The following ARMC2 variants were observed in gnomAD, a reference collection of about 807,000 sequenced individuals.
ARMC2 encodes armadillo repeat-containing protein 2.
ARMC2 carries 67 observed loss-of-function variants against 90.3 expected under a neutral mutation model. That is an observed-to-expected ratio of 0.74 (90% confidence interval 0.61 to 0.91). The LOEUF is 0.91. ARMC2 is among the 40% of genes least tolerant of loss of function. The probability of loss-of-function intolerance (pLI) is 0.00; values close to 1 mark genes in which losing one functional copy is unlikely to be tolerated. For missense variants in ARMC2, 920 were observed against 1,030.9 expected, an observed-to-expected ratio of 0.89 and a Z score of 1.47; for synonymous variants, 393 against 393.0, an observed-to-expected ratio of 1.00 and a Z score of 0.00.
chr6:108,941,747 G>C (rs1263668582), intron 12 of ARMC2, among the ~76,000 whole-genome samples: 2 of 152,098 alleles, frequency 1.3e-5, no homozygotes, highest in African/African-American at 2.4e-5. Context: ...CGTGGTATCG[G>C]CCCCCTCATT....
the ARMC2 span, among the ~76,000 whole-genome samples, chr6:108,979,905 G>C: frequency 2.0e-5 from 3 of 151,444 alleles, no homozygotes; most frequent in African/African-American, 7.3e-5. Context: ...CTTTTTTCAG[G>C]GTTCTTAGCT....
chr6:109,051,453 T>C, the ARMC2 span, among the ~76,000 whole-genome samples: 1 of 152,220 alleles, frequency 6.6e-6, no homozygotes, highest in Non-Finnish European at 1.5e-5. Flanking sequence ...ATGGACTCTT[T>C]GAAGGAGAAA....
At chr6:108,878,879 CTCCA>C (rs934718118) in intron 5 of ARMC2, among the ~76,000 whole-genome samples, 3 of 152,230 alleles carry the variant, frequency 2.0e-5, no homozygotes, top group Admixed American at 2.0e-4. Context: ...TGTGTGTATT[CTCCA>C]TCCATCCATC....
chr6:108,930,979 C>T (rs772273986), intron 11 of ARMC2, among the ~76,000 whole-genome samples: 4 of 149,824 alleles, frequency 2.7e-5, no homozygotes, highest in African/African-American at 9.9e-5. Context: ...ACTCATGTCA[C>T]GGGAGTTTGT....
intron 4 of ARMC2, among the ~76,000 whole-genome samples, chr6:108,874,327 C>G (rs531625104): frequency 6.6e-6 from 1 of 152,200 alleles, no homozygotes; most frequent in Admixed American, 6.5e-5. Context: ...ACTTGTTCAC[C>G]ATGGCTTCAC....
At chr6:108,977,326 C>G (rs111748452), downstream of ARMC2, among the ~76,000 whole-genome samples, 5 of 152,298 alleles carry the variant, frequency 3.3e-5, no homozygotes, top group African/African-American at 1.2e-4. Context: ...GTTGAACCAG[C>G]CTTGCATCCC....
chr6:108,929,949 G>GC (rs1356458683), intron 11 of ARMC2, among the ~76,000 whole-genome samples: 1 of 151,688 alleles, frequency 6.6e-6, no homozygotes, highest in Non-Finnish European at 1.5e-5. Flanking sequence ...CTCTAGCGCT[G>GC]CCCCCCACCC....
chr6:109,002,319 G>A, the ARMC2 span: 4 of 1,613,350 alleles, frequency 2.5e-6, no homozygotes, highest in Non-Finnish European at 2.5e-6. Context: ...TGTCCTAGTG[G>A]TCGAGGAATT....
the ARMC2 span, among the ~76,000 whole-genome samples, chr6:109,003,381 G>C: frequency 6.6e-6 from 1 of 151,610 alleles, no homozygotes; most frequent in Non-Finnish European, 1.5e-5. Flanking sequence ...ATGGGGTGGG[G>C]GTGGGTGCAC....
At chr6:109,023,062 A>C in the ARMC2 span, among the ~76,000 whole-genome samples, 3 of 152,122 alleles carry the variant, frequency 2.0e-5, no homozygotes, top group Non-Finnish European at 4.4e-5. Flanking sequence ...TGACCACCCA[A>C]ATCAGTAGAA....
In ARMC2 at chr6:108,894,453, T is replaced by C. The variant is rs1771393154; in HGVS notation, c.672-14T>C. The C allele has an allele frequency of 1.2e-6, 2 of 1,605,058 alleles. No individual in the cohort carries two copies. The highest frequency in any genetic ancestry group is 1.7e-6 in the Non-Finnish European group (2 of 1,176,550). ...TTTCATGTTTGCGCTGAGTGTTTTA[T>C]GTATTCCTCCTAGGGACCAGGGGAA... On this transcript the variant is annotated splice_polypyrimidine_tract_variant and intron_variant, in intron 5 of 17. Coordinates refer to ENST00000392644, the MANE Select transcript of ARMC2 (RefSeq NM_032131.6).
intron 3 of ARMC2, among the ~76,000 whole-genome samples, chr6:108,866,168 G>T (rs1348617767): frequency 6.6e-6 from 1 of 152,102 alleles, no homozygotes; most frequent in East Asian, 1.9e-4. Context: ...GACATTTTGA[G>T]TTAAGAAAAC....
chr6:108,880,087 G>A, intron 5 of ARMC2: 1 of 371,508 alleles, frequency 2.7e-6, no homozygotes, highest in South Asian at 2.0e-5. Flanking sequence ...AGCAAAGAAT[G>A]AAAAACAGAG....
At chr6:108,878,773 T>C (rs1190338495) in intron 5 of ARMC2, among the ~76,000 whole-genome samples, 1 of 152,198 alleles carries the variant, frequency 6.6e-6, no homozygotes, top group Non-Finnish European at 1.5e-5. Context: ...AGGGATTCAT[T>C]TAAGGTCTGG....
the ARMC2 span, among the ~76,000 whole-genome samples, chr6:109,016,024 TA>T: frequency 6.6e-6 from 1 of 152,186 alleles, no homozygotes; most frequent in African/African-American, 2.4e-5. Flanking sequence ...CAAAATAGAT[TA>T]AAACCAAACC....
chr6:109,035,469 C>A, the ARMC2 span, among the ~76,000 whole-genome samples: 3 of 151,464 alleles, frequency 2.0e-5, no homozygotes, highest in Non-Finnish European at 2.9e-5. Flanking sequence ...GTAGGAAGAA[C>A]CTTAGTACTG....
At chr6:108,983,476 A>G in the ARMC2 span, among the ~76,000 whole-genome samples, 2 of 152,112 alleles carry the variant, frequency 1.3e-5, no homozygotes, top group Non-Finnish European at 2.9e-5. Context: ...GTGCATATCT[A>G]GTTTTCCTAG....
intron 17 of ARMC2, among the ~76,000 whole-genome samples, chr6:108,971,749 CTG>C (rs759079769): frequency 1.3e-4 from 20 of 151,956 alleles, no homozygotes; most frequent in Non-Finnish European, 4.4e-5. Context: ...TGGTAAAACT[CTG>C]TCTCTACTAA....
At chr6:108,919,334 T>C (rs1218727848) in intron 10 of ARMC2, among the ~76,000 whole-genome samples, 1 of 152,192 alleles carries the variant, frequency 6.6e-6, no homozygotes, top group Non-Finnish European at 1.5e-5. Context: ...GGAAATTATG[T>C]TAATTCTTTA....
Sources: gnomAD v4.1 joint callset for allele counts (sites outside exome capture counted in the v4.1 genomes callset) on GRCh38, gnomAD v4.1.1 for gene constraint, MANE v1.5 for transcripts, NCBI Gene and HGNC (gene_info 2026-07-23, HGNC 2026-07-21) for gene names.